The following LEPROT variants were observed in gnomAD, a reference collection of about 807,000 sequenced individuals.
The protein encoded by LEPROT is leptin receptor gene-related protein.
A neutral mutation model predicts 15.4 loss-of-function variants in LEPROT; 3 were observed. The ratio of observed to expected loss-of-function variants is 0.19; its 90% CI spans 0.09 to 0.50. LEPROT has a LOEUF of 0.50. LEPROT is among the 20% of genes least tolerant of loss of function. LEPROT has a pLI of 0.97. For missense variants in LEPROT, 137 were observed against 162.2 expected (o/e 0.84, Z 0.84); for synonymous variants, 59 against 57.5 (o/e 1.03, Z -0.12).
At position 65,433,171 on chromosome 1, in the gene LEPROT, C is replaced by G. The variant is rs1050548348; in HGVS notation, c.*1252C>G. 1 of 985,472 alleles carries G rather than the reference C, an allele frequency of 1.0e-6. No individual in the cohort carries two copies. 61.0% of individuals were successfully genotyped at this position (985,472 alleles called of 1,614,324 possible). On this transcript the variant is annotated 3_prime_UTR_variant, in exon 4 of 4. Coordinates refer to ENST00000371065, the MANE Select transcript of LEPROT (RefSeq NM_017526.5). ...CTCCCCAGCTCCTTCCCTCTGCCCC[C>G]CACCCCTACTCCTCAACAGTTCTGG... is the stretch of plus-strand genomic sequence containing the variant.
intron 1 of LEPROT, 118 bp downstream of exon 1, chr1:65,420,858 C>A: frequency 1.6e-6 from 2 of 1,278,184 alleles, no homozygotes; most frequent in Non-Finnish European, 1.1e-6. Context: ...CCCTTCCCGC[C>A]TCTCCGGTTC....
intron 1 of LEPROT, among the ~76,000 whole-genome samples, chr1:65,422,775 T>G (rs1646276751): frequency 2.0e-5 from 3 of 152,190 alleles, no homozygotes. Context: ...TGGTGAGGGT[T>G]GAAGCTGGCT....
rs978335157 is a variant in LEPROT, at chr1:65,431,807, A to G, written c.284A>G (p.Lys95Arg). ...PVILARVAVIKWGACGLVLAG... is the reference protein window; with the variant it reads ...PVILARVAVIRWGACGLVLAG... ...CCTTCTTTTCTTGTCTTTCAGATCA[A>G]ATGGGGAGCCTGCGGCCTTGTGTTG... is the stretch of plus-strand genomic sequence containing the variant. Residue 95 changes from lysine to arginine, a missense_variant, in exon 4 of 4, where the codon AAA becomes AGA. Lys to Arg is a conservative substitution (Grantham distance 26). Transcript: ENST00000371065. 1 of 1,612,772 alleles carries G rather than the reference A, an allele frequency of 6.2e-7. No individual in the cohort carries two copies. The highest frequency in any genetic ancestry group is 8.5e-7 in the Non-Finnish European group (1 of 1,179,544).
chr1:65,434,920 A>G lies in LEPROT; in HGVS notation c.*3001A>G. ...CAGATCACACTTCATCACAGAAAGA[A>G]TGCCTTGTGATTATCTTCTCCACAT... On this transcript the variant is annotated 3_prime_UTR_variant, in exon 4 of 4. Coordinates refer to ENST00000371065, the MANE Select transcript of LEPROT (RefSeq NM_017526.5). The G allele has an allele frequency of 1.0e-6, 1 of 985,436 alleles. No individual in the cohort carries two copies. Among genetic ancestry groups the G allele is most frequent in the Non-Finnish European group, 1.2e-6 (1 of 829,916 alleles). The allele number at this position is 985,436 out of a possible 1,614,324, so 61.0% of individuals were successfully genotyped here.
chr1:65,430,414 T>A (rs1312863057), intron 3 of LEPROT: 1 of 159,792 alleles, frequency 6.3e-6, no homozygotes, highest in Admixed American at 6.5e-5. Flanking sequence ...CTCCTGCAAA[T>A]GGGATCATGG....
At chr1:65,423,393 A>G (rs1323351570) in intron 1 of LEPROT, among the ~76,000 whole-genome samples, 2 of 152,186 alleles carry the variant, frequency 1.3e-5, no homozygotes, top group African/African-American at 4.8e-5. Flanking sequence ...GACCAAAAAG[A>G]ATCAAACAGA....
At position 65,435,741 on chromosome 1, in the gene LEPROT, G is replaced by C. The variant is rs1441153616; in HGVS notation, c.*3822G>C. ...AACCAAAATATTTATGAGGATGCTA[G>C]CATTTTCCAAGCATAGTAATTAGTT... On this transcript the variant is annotated 3_prime_UTR_variant, in exon 4 of 4. Transcript: ENST00000371065. The C allele has an allele frequency of 1.0e-6, 1 of 985,148 alleles. No homozygotes were observed. Among genetic ancestry groups the C allele is most frequent in the East Asian group, 1.1e-4 (1 of 8,810 alleles). 61.0% of individuals were successfully genotyped at this position (985,148 alleles called of 1,614,324 possible). A position where few individuals can be genotyped will look rare whatever the true frequency, so the allele number is the denominator to read the frequency against.
Position 65,429,912 on chromosome 1 carries a change from C to T in LEPROT, c.143C>T (p.Pro48Leu), listed in dbSNP as rs771871591. Residue 48 changes from proline to leucine, a missense_variant, in exon 3 of 4, where the codon CCC becomes CTC. Transcript: ENST00000371065. ...ATTTTCCACGCCATCTCCCCCATCC[C>T]CCATTTCATTGCCAAAAGAGTCACC... is the stretch of plus-strand genomic sequence containing the variant. ...VLIFHAISPI[P>L]HFIAKRVTYD... is the part of the protein sequence containing the mutation. 5 of 1,546,214 alleles carry T rather than the reference C, an allele frequency of 3.2e-6. No homozygotes were observed. Among genetic ancestry groups the T allele is most frequent in the Non-Finnish European group, 4.4e-6 (5 of 1,132,428 alleles).
chr1:65,429,415 A>G (rs1352310504), intron 2 of LEPROT, among the ~76,000 whole-genome samples: 2 of 152,246 alleles, frequency 1.3e-5, no homozygotes, highest in African/African-American at 4.8e-5. Flanking sequence ...ATACCAGACC[A>G]TAAAGGCTTT....
rs1044633032 is a variant in LEPROT, at chr1:65,434,042, T to A, written c.*2123T>A. 4.1e-6 allele frequency: 4 copies of A among 985,256 alleles called. No individual in the cohort carries two copies. In the African/African-American group the frequency reaches 7.0e-5, roughly 17 times the overall value. 61.0% of individuals were successfully genotyped at this position (985,256 alleles called of 1,614,324 possible). A position where few individuals can be genotyped will look rare whatever the true frequency, so the allele number is the denominator to read the frequency against. On this transcript the variant is annotated 3_prime_UTR_variant, in exon 4 of 4. Coordinates refer to ENST00000371065, the MANE Select transcript of LEPROT (RefSeq NM_017526.5). ...ATTTTGCAAAAGTGTTTTTGTTGCT[T>A]ATACACATTTTCAATAACCAAGGTA...
At position 65,429,854 on chromosome 1, in the gene LEPROT, A is replaced by G. The variant is rs368547552; in HGVS notation, c.93-8A>G. The G allele has an allele frequency of 1.9e-5, 27 of 1,454,700 alleles. No homozygotes were observed. Among genetic ancestry groups the G allele is most frequent in the African/African-American group, 5.7e-5 (4 of 70,504 alleles). 90.1% of individuals were successfully genotyped at this position (1,454,700 alleles called of 1,614,324 possible). On this transcript the variant is annotated splice_polypyrimidine_tract_variant and splice_region_variant and intron_variant, in intron 2 of 3. Coordinates refer to ENST00000371065, the MANE Select transcript of LEPROT (RefSeq NM_017526.5). ...TCTTTTTGGATTTTGCCTGGGTCCA[A>G]CTGACAGCGTTTACTGGCCCTTATT...
chr1:65,433,042 C>T lies in LEPROT; in HGVS notation c.*1123C>T. On this transcript the variant is annotated 3_prime_UTR_variant, in exon 4 of 4. Coordinates refer to ENST00000371065, the MANE Select transcript of LEPROT (RefSeq NM_017526.5). ...AGACAATGCTGGGGGAAGAGCTCCACTGAGATGCGGGCAGGGAGGCTGGGC... is the reference window on the plus strand; with the variant it reads ...AGACAATGCTGGGGGAAGAGCTCCATTGAGATGCGGGCAGGGAGGCTGGGC... The T allele has an allele frequency of 1.0e-6, 1 of 985,378 alleles. No individual in the cohort carries two copies. Among genetic ancestry groups the T allele is most frequent in the Non-Finnish European group, 1.2e-6 (1 of 829,852 alleles). 61.0% of individuals were successfully genotyped at this position (985,378 alleles called of 1,614,324 possible). A position where few individuals can be genotyped will look rare whatever the true frequency, so the allele number is the denominator to read the frequency against.
rs1275518538 is a variant in LEPROT at position 65,425,303 on chromosome 1, C to T, written c.17C>T (p.Ala6Val). The change falls in exon 2 of 4, where the codon GCT (alanine) becomes GTT (valine). Residue 6 changes from alanine to valine, a missense_variant and splice_region_variant. Coordinates refer to ENST00000371065, the MANE Select transcript of LEPROT (RefSeq NM_017526.5). ...TAACTTTTGGCTTTATTTTTCACAG[C>T]TCTCGTGGCATTATCCTTCAGTGGG... MAGVKALVALSFSGAI... is the reference protein window; with the variant it reads MAGVKVLVALSFSGAI... 6.2e-7 allele frequency: 1 copy of T among 1,612,412 alleles called. No homozygotes were observed. Among genetic ancestry groups the T allele is most frequent in the East Asian group, 2.2e-5 (1 of 44,788 alleles).
Position 65,431,926 on chromosome 1 carries a change from AT to A in LEPROT, c.*9del, listed in dbSNP as rs1446024451. ...TAGCTGGGAGCAGTGGTAGCACTTTATTCTGATTACAGTGCATTGAATTTCT... is the reference window on the plus strand; with the variant it reads ...TAGCTGGGAGCAGTGGTAGCACTTTATCTGATTACAGTGCATTGAATTTCT... On this transcript the variant is annotated 3_prime_UTR_variant, in exon 4 of 4. Transcript: ENST00000371065. 5 of 1,612,750 alleles carry A rather than the reference AT, an allele frequency of 3.1e-6. No individual in the cohort carries two copies. The highest frequency in any genetic ancestry group is 4.2e-6 in the Non-Finnish European group (5 of 1,179,626).
At chr1:65,426,869 A>G (rs759052855) in intron 2 of LEPROT, among the ~76,000 whole-genome samples, 162 of 152,170 alleles carry the variant, frequency 1.1e-3, no homozygotes, top group Non-Finnish European at 1.9e-3. Flanking sequence ...GTGGTGGCAC[A>G]CGCCTGTATT....
In LEPROT at chr1:65,434,727, A is replaced by G; in HGVS notation, c.*2808A>G. On this transcript the variant is annotated 3_prime_UTR_variant, in exon 4 of 4. Coordinates refer to ENST00000371065, the MANE Select transcript of LEPROT (RefSeq NM_017526.5). ...ATTTTCACCTCCTAATGCCCTTGAG[A>G]TCCAGGTACACTCCTGGGAGTTTTG... The G allele has an allele frequency of 4.1e-6, 4 of 985,306 alleles. No individual in the cohort carries two copies. The highest frequency in any genetic ancestry group is 4.8e-6 in the Non-Finnish European group (4 of 829,952). 61.0% of individuals were successfully genotyped at this position (985,306 alleles called of 1,614,324 possible).
At chr1:65,425,098 T>C (rs771547282) in intron 1 of LEPROT, among the ~76,000 whole-genome samples, 2 of 152,214 alleles carry the variant, frequency 1.3e-5, no homozygotes, top group African/African-American at 2.4e-5. Flanking sequence ...TACCATAAAA[T>C]TAACATTCTT....
chr1:65,430,023 C>A lies in LEPROT; in HGVS notation c.254C>A (p.Pro85His). The change falls in exon 3 of 4, where the codon CCT (proline) becomes CAT (histidine). Residue 85 changes from proline (P) to histidine (H), a missense_variant. Physicochemically the swap from Pro to His is moderately conservative, Grantham distance 77. Transcript: ENST00000371065. ...TGIVVSAFGFPVILARVAVIK... is the reference protein window; with the variant it reads ...TGIVVSAFGFHVILARVAVIK... ...ATTGTTGTTTCTGCCTTTGGATTTC[C>A]TGTTATTCTTGCTCGTGTGGCTGTG... 6.4e-7 allele frequency: 1 copy of A among 1,562,258 alleles called. No individual in the cohort carries two copies. Among genetic ancestry groups the A allele is most frequent in the Non-Finnish European group, 8.8e-7 (1 of 1,141,874 alleles).
chr1:65,422,984 A>G (rs1646282644), intron 1 of LEPROT, among the ~76,000 whole-genome samples: 1 of 152,210 alleles, frequency 6.6e-6, no homozygotes, highest in African/African-American at 2.4e-5. Context: ...GCTGTAGCAG[A>G]GAGTTTAAGA....
Sources: allele counts gnomAD v4.1 joint callset (sites outside exome capture counted in the v4.1 genomes callset), GRCh38; gene constraint gnomAD v4.1.1; transcripts MANE v1.5; gene names NCBI Gene and HGNC (gene_info 2026-07-23, HGNC 2026-07-21).